Variants in NID1 observed in about 807,000 individuals in gnomAD.
NID1 encodes nidogen 1.
NID1 carries 76 observed loss-of-function variants against 130.6 expected under a neutral mutation model. That is an observed-to-expected ratio of 0.58 (90% CI 0.48 to 0.70). The LOEUF (loss-of-function observed/expected upper bound fraction) is 0.70. NID1 is among the 30% of genes least tolerant of loss of function. The pLI is 0.00. For synonymous variants in NID1, 665 were observed against 675.1 expected (o/e 0.98, Z 0.23); for missense variants, 1,517 against 1,664.8 (o/e 0.91, Z 1.54).
At chr1:236,041,694 A>G (rs532986714) in intron 4 of NID1, among the ~76,000 whole-genome samples, 28 of 152,322 alleles carry the variant, frequency 1.8e-4, no homozygotes, top group African/African-American at 6.7e-4. Flanking sequence ...CTCCAAAACC[A>G]TGGTCCTAAT....
intron 5 of NID1, among the ~76,000 whole-genome samples, 153 bp downstream of exon 5, chr1:236,037,951 A>C (rs1174295144): frequency 2.0e-5 from 3 of 152,220 alleles, no homozygotes; most frequent in Non-Finnish European, 4.4e-5. Context: ...GAATACGAGA[A>C]AAAATGAGGA....
chr1:236,062,376 T>G (rs1181643743), intron 1 of NID1, among the ~76,000 whole-genome samples: 1 of 152,234 alleles, frequency 6.6e-6, no homozygotes, highest in Admixed American at 6.5e-5. Flanking sequence ...GGCTCATGCC[T>G]GTAATCCCAA....
intron 12 of NID1, among the ~76,000 whole-genome samples, chr1:236,002,059 G>T (rs948693488): frequency 1.3e-5 from 2 of 152,220 alleles, no homozygotes; most frequent in Admixed American, 1.3e-4. Context: ...AAATAGGAGA[G>T]TCCTTGATTG....
In NID1 at chr1:236,026,746, T is replaced by TA. The variant is rs530226698; in HGVS notation, c.1739-606_1739-605insT. Among the ~76,000 whole-genome samples, 380 of 151,934 alleles carry TA rather than the reference T, an allele frequency of 2.5e-3. 1 individual carries two copies. The highest frequency in any genetic ancestry group is 0.01 in the Middle Eastern group (3 of 294). On this transcript the variant is annotated intron_variant, in intron 7 of 19. Coordinates refer to ENST00000264187, the MANE Select transcript of NID1 (RefSeq NM_002508.3). ...AATGGTGATTTCTTTTTCATTTTTT[T>TA]TTTTTTTTTTGACACAGAGTCTCGC... is the stretch of plus-strand genomic sequence containing the variant.
rs540925008 is a variant in NID1, at chr1:236,036,567, G to A, written c.1285+1537C>T. On this transcript the variant is annotated intron_variant, in intron 5 of 19. Transcript: ENST00000264187. ...CAAGTGAGACAATTTGTTGGCATCT[G>A]CTATGGCTTGAATGTCCCCTCCAAA... Among the ~76,000 whole-genome samples the A allele has an allele frequency of 5.3e-5, 8 of 152,278 alleles. No homozygotes were observed. In the South Asian group the frequency reaches 1.7e-3, roughly 32 times the overall value.
chr1:236,020,101 A>G (rs1658720612), intron 9 of NID1, among the ~76,000 whole-genome samples: 1 of 151,610 alleles, frequency 6.6e-6, no homozygotes, highest in Admixed American at 6.6e-5. Flanking sequence ...CAGGTCCTTA[A>G]CCCTTTCTTC....
chr1:236,048,193 G>T lies in NID1; in HGVS notation c.525+497C>A, dbSNP rs1659664690. ...CTAAAAATACAAAAAAAACCAGCCG[G>T]GCGTGGTGGTGGTCGCCTGTAGTCC... On this transcript the variant is annotated intron_variant, in intron 2 of 19. Transcript: ENST00000264187. Among the ~76,000 whole-genome samples the T allele has an allele frequency of 2.0e-5, 3 of 149,640 alleles. No individual in the cohort carries two copies. The South Asian group carries it at 6.4e-4, about 32-fold the overall frequency.
At position 235,993,815 on chromosome 1, in the gene NID1, GC is replaced by G; in HGVS notation, c.2584del (p.Ala862ArgfsTer54). ...AGGAATGGGTCGCTGTGGGTCTGTC[GC>G]CCCCGCTGCCCCGAGAATGTGTTCT... is the stretch of plus-strand genomic sequence containing the variant. ...EREHILGAAG[A>X]TDPQRPIPPG... On this transcript the variant is annotated frameshift_variant, in exon 13 of 20. Transcript: ENST00000264187. LOFTEE classifies it high-confidence loss of function. 6.2e-7 allele frequency: 1 copy of G among 1,614,048 alleles called. No homozygotes were observed. Among genetic ancestry groups the G allele is most frequent in the Non-Finnish European group, 8.5e-7 (1 of 1,179,956 alleles).
rs140639157 is a variant in NID1 at position 236,049,853 on chromosome 1, C to G, written c.226-864G>C. On this transcript the variant is annotated intron_variant, in intron 1 of 19. Coordinates refer to ENST00000264187, the MANE Select transcript of NID1 (RefSeq NM_002508.3). ...AGGAGTTTAAGACCAGCCTGGCCAA[C>G]ATGGTGAAACACCATCTCTACTAAA... 1.9e-3 allele frequency among the ~76,000 whole-genome samples: 292 copies of G among 151,984 alleles called. 2 individuals are homozygous for G. The highest frequency in any genetic ancestry group is 6.8e-3 in the African/African-American group (282 of 41,434).
Position 236,026,109 on chromosome 1 carries a change from C to G in NID1, c.1771G>C (p.Val591Leu). 6.2e-7 allele frequency: 1 copy of G among 1,613,888 alleles called. No homozygotes were observed. Among genetic ancestry groups the G allele is most frequent in the South Asian group, 1.1e-5 (1 of 91,064 alleles). ...GCCCCATCTCGCTCGGGCTCAGTCA[C>G]CGTGTACTCCCGGGTGGAGGAGGAA... ...ITSSSTREYT[V>L]TEPERDGASP... is the part of the protein sequence containing the mutation. The change falls in exon 8 of 20, where the codon GTG becomes CTG. Residue 591 changes from valine to leucine, a missense_variant. Val to Leu is a conservative substitution (Grantham distance 32, BLOSUM62 1). Around this residue, in one of 3 missense-constraint regions of NID1, gnomAD observed 1,329 missense variants for 1,429.2 expected, o/e 0.93. Transcript: ENST00000264187.
chr1:235,979,688 G>A lies in NID1; in HGVS notation c.3509+134C>T, dbSNP rs1331143726. On this transcript the variant is annotated intron_variant, in intron 18 of 19. Coordinates refer to ENST00000264187, the MANE Select transcript of NID1 (RefSeq NM_002508.3). This position sits in a 1 kb window ranked among gnomAD's most constrained non-coding sequence, Gnocchi z 4.6. ...TGACAACCAGAAGGATAAGGGAGAG[G>A]GGACATCTCTAGAGGGGGCATTTCT... 1.1e-6 allele frequency: 1 copy of A among 887,002 alleles called. No homozygotes were observed. The highest frequency in any genetic ancestry group is 1.7e-6 in the Non-Finnish European group (1 of 575,118). The allele number at this position is 887,002 out of a possible 1,614,324, so 54.9% of individuals were successfully genotyped here. A position where few individuals can be genotyped will look rare whatever the true frequency, so the allele number is the denominator to read the frequency against.
chr1:235,996,350 C>T (rs1377617307), intron 12 of NID1, among the ~76,000 whole-genome samples: 2 of 152,092 alleles, frequency 1.3e-5, no homozygotes, highest in Non-Finnish European at 2.9e-5. Context: ...CAGAAGAGAC[C>T]GTCCACAAGG....
At chr1:236,052,748 A>C (rs1659794182) in intron 1 of NID1, among the ~76,000 whole-genome samples, 1 of 152,112 alleles carries the variant, frequency 6.6e-6, no homozygotes, top group Admixed American at 6.6e-5. Flanking sequence ...GGCATGTCTA[A>C]ACTGTCCGAC....
chr1:236,031,381 G>C (rs1039677485), intron 6 of NID1, among the ~76,000 whole-genome samples: 1 of 152,178 alleles, frequency 6.6e-6, no homozygotes, highest in African/African-American at 2.4e-5. Context: ...GCCTCCCAAA[G>C]TGCTGGGATT....
chr1:236,051,636 G>A (rs6675117), intron 1 of NID1, among the ~76,000 whole-genome samples: 2,360 of 152,246 alleles, frequency 0.016, 28 homozygotes, highest in Middle Eastern at 0.058. Flanking sequence ...TCTTCCAGCC[G>A]GTCCCTCTGT....
chr1:236,049,601 C>T (rs1443973621), intron 1 of NID1, among the ~76,000 whole-genome samples: 3 of 152,168 alleles, frequency 2.0e-5, no homozygotes, highest in Non-Finnish European at 4.4e-5. Context: ...AATATAGCAT[C>T]AAGAAGCAAA....
At chr1:236,038,629 T>C (rs1659332139) in intron 4 of NID1, among the ~76,000 whole-genome samples, 1 of 151,040 alleles carries the variant, frequency 6.6e-6, no homozygotes, top group African/African-American at 2.4e-5. Flanking sequence ...AGCTTCATGT[T>C]TGGGGGGACT....
At chr1:236,053,440 C>T (rs1481507643) in intron 1 of NID1, among the ~76,000 whole-genome samples, 1 of 152,098 alleles carries the variant, frequency 6.6e-6, no homozygotes, top group Non-Finnish European at 1.5e-5. Context: ...TCTCAGCTAC[C>T]AACAGCACGC....
intron 8 of NID1, among the ~76,000 whole-genome samples, chr1:236,024,835 G>T (rs1658873614): frequency 6.6e-6 from 1 of 152,178 alleles, no homozygotes; most frequent in Admixed American, 6.5e-5. Flanking sequence ...CCCGACAGCT[G>T]GGAACGCCCA....
Sources: allele counts gnomAD v4.1 joint callset (sites outside exome capture counted in the v4.1 genomes callset), GRCh38; gene constraint gnomAD v4.1.1; regional missense constraint gnomAD v4.1.1; non-coding constraint Gnocchi (gnomAD v3.1); transcripts MANE v1.5; gene names NCBI Gene and HGNC (gene_info 2026-07-23, HGNC 2026-07-21).